The following RNF213 variants were observed in gnomAD, a reference collection of about 807,000 sequenced individuals.
The protein encoded by RNF213 is E3 ubiquitin-protein ligase RNF213.
RNF213 carries 341 observed loss-of-function variants against 514.4 expected under a neutral mutation model. The ratio of observed to expected loss-of-function variants is 0.66; its 90% CI spans 0.61 to 0.73. The LOEUF is 0.73. Ranked by LOEUF, RNF213 falls within the 30% of genes least tolerant of loss-of-function variation. The probability of loss-of-function intolerance (pLI) is 0.00; values close to 1 mark genes in which losing one functional copy is unlikely to be tolerated. For synonymous variants in RNF213, 2,655 were observed against 2,658.2 expected (o/e 1.00, Z 0.04); for missense variants, 5,767 against 6,615.6 (o/e 0.87, Z 4.45).
intron 20 of RNF213, among the ~76,000 whole-genome samples, chr17:80,331,498 C>T (rs1009477091): frequency 1.3e-5 from 2 of 151,342 alleles, no homozygotes; most frequent in African/African-American, 2.4e-5. Context: ...AAGTGATTCT[C>T]CTGCCTCAGC....
At position 80,389,319 on chromosome 17, in the gene RNF213, T is replaced by C. The variant is rs1568174200; in HGVS notation, c.15147T>C (p.Tyr5049=). The change falls in exon 65 of 68, where the codon TAT becomes TAC. Residue 5049 remains tyrosine, a synonymous_variant. Transcript: ENST00000582970. Reference sequence around the variant, plus strand: ...ATCCAAACATGCAGCTGAATGTGTATACTCAAGACATCCTGCAAATGGGTG... The same window carrying C: ...ATCCAAACATGCAGCTGAATGTGTACACTCAAGACATCCTGCAAATGGGTG... The part of the protein sequence containing the change: ...GGDPNMQLNV[Y]TQDILQMGDQ... 6.2e-7 allele frequency: 1 copy of C among 1,614,194 alleles called. No individual in the cohort carries two copies. The highest frequency in any genetic ancestry group is 2.2e-5 in the East Asian group (1 of 44,882).
intron 2 of RNF213, among the ~76,000 whole-genome samples, chr17:80,269,689 CTATG>C (rs1268112892): frequency 6.6e-6 from 1 of 152,128 alleles, no homozygotes; most frequent in Non-Finnish European, 1.5e-5. Flanking sequence ...TCTGTTCTAT[CTATG>C]TATCTATCTT....
chr17:80,339,239 C>T lies in RNF213; in HGVS notation c.4872C>T (p.Ile1624=), dbSNP rs943611265. 8.6e-6 allele frequency: 13 copies of T among 1,505,888 alleles called. No homozygotes were observed. The highest frequency in any genetic ancestry group is 2.0e-5 in the Admixed American group (1 of 49,482). 93.3% of individuals were successfully genotyped at this position (1,505,888 alleles called of 1,614,324 possible). The part of the protein sequence containing the change: ...CSVQRLSQAF[I]DLHSAGNMLF... Reference sequence around the variant, plus strand: ...TGCAGAGGCTCAGCCAGGCCTTCATCGACCTGCACTCTGCTGGGAATATGC... The same window carrying T: ...TGCAGAGGCTCAGCCAGGCCTTCATTGACCTGCACTCTGCTGGGAATATGC... Residue 1624 remains isoleucine (I), a synonymous_variant, in exon 26 of 68, where the codon ATC becomes ATT. Transcript: ENST00000582970.
At chr17:80,270,649 G>A (rs1030318396) in intron 2 of RNF213, among the ~76,000 whole-genome samples, 5 of 152,184 alleles carry the variant, frequency 3.3e-5, no homozygotes, top group African/African-American at 1.2e-4. Flanking sequence ...CCACATGTAT[G>A]TGTATTTCCT....
chr17:80,311,488 C>T (rs368671606), intron 14 of RNF213, among the ~76,000 whole-genome samples: 11 of 152,194 alleles, frequency 7.2e-5, no homozygotes, highest in East Asian at 3.8e-4. Context: ...TGTCGGCCCC[C>T]GCCCCCTGCG....
chr17:80,317,332 C>G lies in RNF213; in HGVS notation c.2901+55C>G. The G allele has an allele frequency of 6.6e-7, 1 of 1,524,774 alleles. No individual in the cohort carries two copies. The highest frequency in any genetic ancestry group is 1.2e-5 in the South Asian group (1 of 85,906). 94.5% of individuals were successfully genotyped at this position (1,524,774 alleles called of 1,614,324 possible). A position where few individuals can be genotyped will look rare whatever the true frequency, so the allele number is the denominator to read the frequency against. On this transcript the variant is annotated intron_variant, in intron 16 of 67. Transcript: ENST00000582970. This position sits in a 1 kb window ranked among gnomAD's most constrained non-coding sequence, Gnocchi z 4.1. ...GGGCGTGAAGGCAAGCTGGAGAACC[C>G]CAGACCATTAGCGACAGCCAAGAGA...
At position 80,293,181 on chromosome 17, in the gene RNF213, C is replaced by T. The variant is rs183953855; in HGVS notation, c.1471+1354C>T. On this transcript the variant is annotated intron_variant, in intron 8 of 67. Transcript: ENST00000582970. ...CAGCTGATCCTCCCCCTCAGCCCCC[C>T]CAAGTAGCTGGGCCTACAGGCGTGT... Among the ~76,000 whole-genome samples the T allele has an allele frequency of 1.3e-3, 194 of 152,174 alleles. 1 individual carries two copies. Among genetic ancestry groups the T allele is most frequent in the African/African-American group, 4.2e-3 (174 of 41,538 alleles).
At chr17:80,270,426 T>C (rs75101672) in intron 2 of RNF213, among the ~76,000 whole-genome samples, 2,897 of 152,332 alleles carry the variant, frequency 0.019, 58 homozygotes, top group East Asian at 0.11. Flanking sequence ...TGCAAATCTC[T>C]TCAAATCCCC....
chr17:80,324,624 A>G (rs1430577526), intron 17 of RNF213, among the ~76,000 whole-genome samples: 1 of 152,164 alleles, frequency 6.6e-6, no homozygotes, highest in Non-Finnish European at 1.5e-5. Flanking sequence ...ATTAAAATGT[A>G]TATGTTGTTT....
At chr17:80,286,903 G>A (rs928569678) in intron 3 of RNF213, among the ~76,000 whole-genome samples, 1 of 152,284 alleles carries the variant, frequency 6.6e-6, no homozygotes, top group South Asian at 2.1e-4. Flanking sequence ...AATGGGGACC[G>A]TACACCTGAA....
intron 40 of RNF213, 46 bp from the exon 41 acceptor site, chr17:80,363,563 G>T (rs1351392123): frequency 6.2e-7 from 1 of 1,606,730 alleles, no homozygotes; most frequent in Non-Finnish European, 8.5e-7. Context: ...TGGTGGGCCG[G>T]TGGGAGGGGC....
rs372585280 is a variant in RNF213, at chr17:80,343,856, G to A, written c.6184-1G>A. 4 of 1,614,014 alleles carry A rather than the reference G, an allele frequency of 2.5e-6. No homozygotes were observed. The highest frequency in any genetic ancestry group is 3.4e-6 in the Non-Finnish European group (4 of 1,180,024). On this transcript the variant is annotated splice_acceptor_variant, in intron 27 of 67. Coordinates refer to ENST00000582970, the MANE Select transcript of RNF213 (RefSeq NM_001256071.3). LOFTEE classifies it high-confidence loss of function. This position sits in a 1 kb window ranked among gnomAD's most constrained non-coding sequence, Gnocchi z 4.3. ...TACACCTCGTGCGATTCTGTTCTTA[G>A]GTGCAGACTGGAATTTGGGTGTTTC... is the stretch of plus-strand genomic sequence containing the variant.
At chr17:80,364,326 C>T in intron 41 of RNF213, 107 bp from the exon 42 acceptor site, 1 of 1,515,636 alleles carries the variant, frequency 6.6e-7, no homozygotes. Flanking sequence ...AGCCGCTGGG[C>T]CTGGACCCCG....
rs374977881 is a variant in RNF213 at position 80,364,585 on chromosome 17, C to T, written c.11871+32C>T. The T allele has an allele frequency of 4.5e-5, 73 of 1,613,804 alleles. No homozygotes were observed. In the African/African-American group the frequency reaches 6.0e-4, roughly 13 times the overall value. ...ACTTGGGCTGGCCTCAGCACATGCA[C>T]GGATCCACCCTTTTCCGAAAGGAAG... On this transcript the variant is annotated intron_variant, in intron 42 of 67. Coordinates refer to ENST00000582970, the MANE Select transcript of RNF213 (RefSeq NM_001256071.3).
At chr17:80,380,492 A>C (rs1453399541) in intron 55 of RNF213, among the ~76,000 whole-genome samples, 1 of 152,128 alleles carries the variant, frequency 6.6e-6, no homozygotes, top group Admixed American at 6.5e-5. Flanking sequence ...TGTCCTCCCA[A>C]ACTCTAGCTG....
chr17:80,287,837 A>C lies in RNF213; in HGVS notation c.284A>C (p.Lys95Thr). ...TAGAGCAAAAAGAAGAAAAGGAAGA[A>C]GAAAAAGAAGGGGAACAAGTCCGCT... ...VQESKKKKRKKKKKGNKSASS... is the reference protein window; with the variant it reads ...VQESKKKKRKTKKKGNKSASS... The change falls in exon 4 of 68, where the codon AAG (lysine) becomes ACG (threonine). Residue 95 changes from lysine (K) to threonine (T), a missense_variant. Physicochemically the swap from Lys to Thr is moderately conservative, Grantham distance 78 (BLOSUM62 -1). This residue lies in a region of RNF213 where 509 missense variants were observed against 496.7 expected (regional missense o/e 1.02). Transcript: ENST00000582970. 1 of 1,611,862 alleles carries C rather than the reference A, an allele frequency of 6.2e-7. No homozygotes were observed. The highest frequency in any genetic ancestry group is 8.5e-7 in the Non-Finnish European group (1 of 1,178,786).
Position 80,354,481 on chromosome 17 carries a change from T to C in RNF213, c.10767T>C (p.Phe3589=), listed in dbSNP as rs1391966560. 10 of 1,614,224 alleles carry C rather than the reference T, an allele frequency of 6.2e-6. No individual in the cohort carries two copies. Among genetic ancestry groups the C allele is most frequent in the East Asian group, 2.2e-5 (1 of 44,884 alleles). ...TATCCAAGATGCGCCTCAGTGTCTT[T>C]TTAAAGAAGCAAGAAGAGAGCCAGT... ...LRVSKMRLSV[F]LKKQEESQFH... The change falls in exon 36 of 68, where the codon TTT becomes TTC. Residue 3589 remains phenylalanine, a synonymous_variant. Transcript: ENST00000582970.
At chr17:80,306,794 G>C (rs1490734534) in intron 12 of RNF213, among the ~76,000 whole-genome samples, 1 of 150,996 alleles carries the variant, frequency 6.6e-6, no homozygotes, top group Non-Finnish European at 1.5e-5. Flanking sequence ...GGAGCTTGCA[G>C]TGAGCCGAGA....
At chr17:80,392,781 G>T (rs1334944690) in intron 67 of RNF213, among the ~76,000 whole-genome samples, 1 of 152,078 alleles carries the variant, frequency 6.6e-6, no homozygotes, top group Non-Finnish European at 1.5e-5. Flanking sequence ...CTAGAGACAG[G>T]GTTTCTCCAT....
Sources: allele counts gnomAD v4.1 joint callset (sites outside exome capture counted in the v4.1 genomes callset), GRCh38; gene constraint gnomAD v4.1.1; regional missense constraint gnomAD v4.1.1; non-coding constraint Gnocchi (gnomAD v3.1); transcripts MANE v1.5; gene names NCBI Gene and HGNC (gene_info 2026-07-23, HGNC 2026-07-21).